CCR5AS: variants seen among roughly 807,000 people sequenced by gnomAD.
The protein encoded by CCR5AS is CCR5 antisense RNA.
At chr3:46,383,995 T>C (rs1701836094) in intron 2 of CCR5AS, among the ~76,000 whole-genome samples, 1 of 152,204 alleles carries the variant, frequency 6.6e-6, no homozygotes, top group Non-Finnish European at 1.5e-5. Context: ...ACCTGAGGTT[T>C]GTGGTCTCAC....
At chr3:46,405,105 T>C (rs936595792) in intron 1 of CCR5AS, among the ~76,000 whole-genome samples, 18 of 152,350 alleles carry the variant, frequency 1.2e-4, no homozygotes, top group African/African-American at 4.1e-4. Context: ...TCCTTTCGCC[T>C]CAACTGCAGC....
At chr3:46,406,064 C>T (rs887743863) in intron 1 of CCR5AS, among the ~76,000 whole-genome samples, 1 of 151,914 alleles carries the variant, frequency 6.6e-6, no homozygotes, top group African/African-American at 2.4e-5. Context: ...TTTATAGATC[C>T]GGGATCTCAC....
intron 2 of CCR5AS, among the ~76,000 whole-genome samples, chr3:46,378,456 T>C (rs910516628): frequency 6.6e-6 from 1 of 152,224 alleles, no homozygotes; most frequent in African/African-American, 2.4e-5. Context: ...TTTGTTTCTC[T>C]GGGTGGTCAC....
At chr3:46,387,314 T>A (rs961082757) in intron 2 of CCR5AS, among the ~76,000 whole-genome samples, 7 of 152,198 alleles carry the variant, frequency 4.6e-5, no homozygotes, top group African/African-American at 1.4e-4. Context: ...GGGTCATGTG[T>A]TTTCCAAGTC....
chr3:46,393,970 G>T (rs1031691431), intron 1 of CCR5AS, among the ~76,000 whole-genome samples: 1 of 152,150 alleles, frequency 6.6e-6, no homozygotes, highest in African/African-American at 2.4e-5. Flanking sequence ...ATCCAGCCCC[G>T]TGATTTTTCA....
intron 3 of CCR5AS, among the ~76,000 whole-genome samples, chr3:46,368,522 C>A (rs1179912854): frequency 6.6e-6 from 1 of 152,180 alleles, no homozygotes; most frequent in African/African-American, 2.4e-5. Flanking sequence ...ACCTCTGGAC[C>A]AGAAACACAA....
chr3:46,380,767 G>C (rs1283034917), intron 2 of CCR5AS, among the ~76,000 whole-genome samples: 1 of 152,248 alleles, frequency 6.6e-6, no homozygotes, highest in Non-Finnish European at 1.5e-5. Context: ...TTTACAAATA[G>C]TGAGGTTAAA....
chr3:46,373,391 A>C, intron 2 of CCR5AS: 1 of 1,612,492 alleles, frequency 6.2e-7, no homozygotes, highest in Non-Finnish European at 8.5e-7. Context: ...CTCTCCCAGG[A>C]ATCATCTTTA....
downstream of CCR5AS, among the ~76,000 whole-genome samples, chr3:46,363,987 G>T (rs145978238): frequency 2.0e-5 from 3 of 152,376 alleles, no homozygotes; most frequent in East Asian, 5.8e-4. Flanking sequence ...GCGGAGGTTG[G>T]TTTGTGAGGT....
intron 1 of CCR5AS, among the ~76,000 whole-genome samples, chr3:46,400,488 A>G (rs941288569): frequency 6.6e-6 from 1 of 152,234 alleles, no homozygotes; most frequent in Admixed American, 6.5e-5. Flanking sequence ...CTTGATGAAC[A>G]ACACATATTA....
intron 2 of CCR5AS, chr3:46,372,731 A>G (rs2106745344): frequency 7.6e-6 from 4 of 529,218 alleles, no homozygotes; most frequent in Non-Finnish European, 9.9e-6. Context: ...CCTTCCCTTC[A>G]CTACAAAACT....
intron 3 of CCR5AS, among the ~76,000 whole-genome samples, chr3:46,368,144 G>A (rs1440861037): frequency 6.6e-6 from 1 of 152,164 alleles, no homozygotes; most frequent in Non-Finnish European, 1.5e-5. Flanking sequence ...GAACATAGGT[G>A]CAGTGACTAG....
chr3:46,404,168 G>A (rs1575289377), intron 1 of CCR5AS, among the ~76,000 whole-genome samples: 1 of 152,186 alleles, frequency 6.6e-6, no homozygotes, highest in South Asian at 2.1e-4. Context: ...TATTGCTAAG[G>A]TTATCACCCA....
chr3:46,368,226 G>A (rs1233582029), intron 3 of CCR5AS, among the ~76,000 whole-genome samples: 1 of 152,172 alleles, frequency 6.6e-6, no homozygotes, highest in East Asian at 1.9e-4. Flanking sequence ...TCCAATATGG[G>A]CATGGAGTCT....
At chr3:46,369,273 T>C (rs1476740730) in intron 3 of CCR5AS, among the ~76,000 whole-genome samples, 1 of 152,220 alleles carries the variant, frequency 6.6e-6, no homozygotes, top group African/African-American at 2.4e-5. Flanking sequence ...CAAGTAGCAG[T>C]AATGAAGCTG....
chr3:46,399,155 C>G (rs915799666), intron 1 of CCR5AS, among the ~76,000 whole-genome samples: 1 of 152,192 alleles, frequency 6.6e-6, no homozygotes, highest in African/African-American at 2.4e-5. Flanking sequence ...TTAAGCACCA[C>G]TTCAGCTTGG....
intron 2 of CCR5AS, among the ~76,000 whole-genome samples, chr3:46,387,191 A>G (rs1335493641): frequency 6.6e-6 from 1 of 152,218 alleles, no homozygotes; most frequent in East Asian, 1.9e-4. Flanking sequence ...AAGATGAGTC[A>G]ATCGGATCCT....
chr3:46,373,330 C>A (rs781530599), intron 2 of CCR5AS: 3 of 1,614,150 alleles, frequency 1.9e-6, no homozygotes, highest in Non-Finnish European at 2.5e-6. Context: ...AGGACGGTCA[C>A]CTTTGGGGTG....
chr3:46,378,550 G>A (rs997372545), intron 2 of CCR5AS, among the ~76,000 whole-genome samples: 31 of 152,116 alleles, frequency 2.0e-4, no homozygotes, highest in South Asian at 2.1e-4. Flanking sequence ...TACTGCCCCC[G>A]CGAGGCCACA....
Sources: allele counts gnomAD v4.1 joint callset (sites outside exome capture counted in the v4.1 genomes callset), GRCh38; gene constraint gnomAD v4.1.1; transcripts MANE v1.5; gene names NCBI Gene and HGNC (gene_info 2026-07-23, HGNC 2026-07-21).